ANO7: variants seen among roughly 807,000 people sequenced by gnomAD.
The protein encoded by ANO7 is anoctamin-7.
A neutral mutation model predicts 115.8 loss-of-function variants in ANO7; 114 were observed. The ratio of observed to expected loss-of-function variants is 0.98; its 90% CI spans 0.85 to 1.15. The LOEUF (loss-of-function observed/expected upper bound fraction) is 1.15, where lower values mean the gene tolerates loss of function less well. ANO7 is among the 50% of genes most tolerant of loss of function. The pLI, the probability that ANO7 is intolerant of heterozygous loss-of-function variation, is 0.00. For synonymous variants in ANO7, 550 were observed against 498.2 expected (o/e 1.10, Z -1.38); for missense variants, 1,302 against 1,201.2 (o/e 1.08, Z -1.24).
At chr2:241,238,920 G>C in the ANO7 span, 5 of 670,764 alleles carry the variant, frequency 7.5e-6, no homozygotes, top group Non-Finnish European at 1.2e-5. The surrounding 1 kb of genome is among the most constrained non-coding windows in gnomAD (Gnocchi z 4.9). Context: ...CCCTTCTCCC[G>C]AGTCCAGGGC....
At chr2:241,221,461 C>T (rs939519461) in intron 21 of ANO7, among the ~76,000 whole-genome samples, 1 of 152,116 alleles carries the variant, frequency 6.6e-6, no homozygotes, top group African/African-American at 2.4e-5. Context: ...TCACTGCAAC[C>T]CCCGCCTCCT....
At chr2:241,218,405 G>A (rs1283514915) in intron 21 of ANO7, 24 bp downstream of exon 21, 2 of 1,305,318 alleles carry the variant, frequency 1.5e-6, no homozygotes, top group South Asian at 4.2e-5. Context: ...CAGGTGGAGG[G>A]GGCCGCGGGC....
rs185559152 is a variant in ANO7 at position 241,218,936 on chromosome 2, G to C, written c.2321+555G>C. 1.2e-3 allele frequency among the ~76,000 whole-genome samples: 183 copies of C among 152,320 alleles called. 2 individuals carry two copies. The highest frequency in any genetic ancestry group is 4.3e-3 in the African/African-American group (179 of 41,562). On this transcript the variant is annotated intron_variant, in intron 21 of 24. Coordinates refer to ENST00000674324, the MANE Select transcript of ANO7 (RefSeq NM_001370694.2). Reference sequence around the variant, plus strand: ...ATAACACCAGTAGTTTTGGTCAGGGGTTAATATTATTGTTATTTTAACCGC... The same window carrying C: ...ATAACACCAGTAGTTTTGGTCAGGGCTTAATATTATTGTTATTTTAACCGC...
Position 241,218,267 on chromosome 2 carries a change from TCC to T in ANO7, c.2208_2209del (p.Leu737AlafsTer44). The T allele has an allele frequency of 1.3e-6, 2 of 1,532,726 alleles. No individual in the cohort carries two copies. Among genetic ancestry groups the T allele is most frequent in the Non-Finnish European group, 1.7e-6 (2 of 1,147,278 alleles). 94.9% of individuals were successfully genotyped at this position (1,532,726 alleles called of 1,614,324 possible). A position where few individuals can be genotyped will look rare whatever the true frequency, so the allele number is the denominator to read the frequency against. On this transcript the variant is annotated frameshift_variant, in exon 21 of 25. Transcript: ENST00000674324. LOFTEE classifies it high-confidence loss of function. ...TTCCTCCTGGCCTTCTCGTCCGACT[TCC>T]TGCCGCGCGCCTACTACCGGTGGAC...
chr2:241,195,688 C>A lies in ANO7; in HGVS notation c.167-15C>A. On this transcript the variant is annotated splice_polypyrimidine_tract_variant and intron_variant, in intron 3 of 24. Transcript: ENST00000674324. ...ACTTAGCCAGGCTCCTGCCTCTGTC[C>A]CTGTTGGCTCCCAGCAGACTTCGTC... 6.2e-7 allele frequency: 1 copy of A among 1,613,152 alleles called. No homozygotes were observed. The highest frequency in any genetic ancestry group is 1.1e-5 in the South Asian group (1 of 90,956).
At chr2:241,202,387 T>G (rs899102798) in intron 8 of ANO7, 83 bp downstream of exon 8, 2 of 1,322,646 alleles carry the variant, frequency 1.5e-6, no homozygotes, top group Non-Finnish European at 2.1e-6. Context: ...GAGGCGGGTG[T>G]GGGGCAGGCA....
chr2:241,209,877 C>T (rs1343514788), intron 13 of ANO7, among the ~76,000 whole-genome samples: 2 of 152,118 alleles, frequency 1.3e-5, no homozygotes, highest in African/African-American at 4.8e-5. Flanking sequence ...GGGCATTTTT[C>T]AAGCAAGGGG....
the ANO7 span, among the ~76,000 whole-genome samples, chr2:241,234,820 G>A: frequency 6.6e-6 from 1 of 152,198 alleles, no homozygotes; most frequent in Non-Finnish European, 1.5e-5. Context: ...GGGGCCTCTC[G>A]CAACCTTGAC....
At chr2:241,230,669 G>T, downstream of ANO7, 1 of 1,125,426 alleles carries the variant, frequency 8.9e-7, no homozygotes, top group Non-Finnish European at 1.3e-6. This position sits in a 1 kb window ranked among gnomAD's most constrained non-coding sequence, Gnocchi z 5.0. Flanking sequence ...ATCATCTTGA[G>T]GGGAAGGCCA....
At chr2:241,212,440 C>A in intron 16 of ANO7, 132 bp from the exon 17 acceptor site, 1 of 1,079,806 alleles carries the variant, frequency 9.3e-7, no homozygotes. Flanking sequence ...AGCTCACAAC[C>A]GGGACTCTAC....
chr2:241,223,446 C>T, intron 22 of ANO7, 170 bp downstream of exon 22: 1 of 1,053,462 alleles, frequency 9.5e-7, no homozygotes. Flanking sequence ...GGCCTCATCC[C>T]TGGGTTGTGG....
At chr2:241,197,061 G>A (rs2149131226) in intron 4 of ANO7, among the ~76,000 whole-genome samples, 1 of 152,284 alleles carries the variant, frequency 6.6e-6, no homozygotes, top group South Asian at 2.1e-4. Context: ...TTACCAACCA[G>A]TTGGGATATA....
chr2:241,238,527 G>T, the ANO7 span: 1 of 783,838 alleles, frequency 1.3e-6, no homozygotes, highest in Non-Finnish European at 1.9e-6. This position sits in a 1 kb window ranked among gnomAD's most constrained non-coding sequence, Gnocchi z 4.9. Context: ...GAAGCCCCCA[G>T]AATACATAGA....
intron 4 of ANO7, among the ~76,000 whole-genome samples, chr2:241,197,083 C>T (rs2068356116): frequency 6.6e-6 from 1 of 152,158 alleles, no homozygotes; most frequent in African/African-American, 2.4e-5. Flanking sequence ...TGGTGGCTCA[C>T]CGTGGTTTGT....
intron 3 of ANO7, among the ~76,000 whole-genome samples, chr2:241,193,146 C>G (rs1450745114): frequency 1.3e-5 from 2 of 152,050 alleles, no homozygotes; most frequent in Non-Finnish European, 2.9e-5. Context: ...AATCTCGGCT[C>G]ACTGCAACCT....
At chr2:241,199,554 C>T (rs958418297) in intron 5 of ANO7, 131 bp downstream of exon 5, 19 of 848,638 alleles carry the variant, frequency 2.2e-5, no homozygotes, top group Middle Eastern at 3.4e-4. Context: ...CTACCCACCC[C>T]GACACCAGGC....
At chr2:241,232,396 C>A in the ANO7 span, among the ~76,000 whole-genome samples, 2 of 152,004 alleles carry the variant, frequency 1.3e-5, no homozygotes, top group Non-Finnish European at 2.9e-5. Flanking sequence ...ACGTCTCAGT[C>A]TCCCGAGTAG....
the ANO7 span, among the ~76,000 whole-genome samples, chr2:241,232,370 C>T: frequency 2.8e-4 from 43 of 151,782 alleles, no homozygotes; most frequent in Non-Finnish European, 1.5e-4. Context: ...CCGCCTCCTG[C>T]GTTCAAGCGA....
At chr2:241,216,809 G>A (rs528789545) in intron 19 of ANO7, among the ~76,000 whole-genome samples, 6 of 143,516 alleles carry the variant, frequency 4.2e-5, no homozygotes, top group Non-Finnish European at 9.2e-5. Flanking sequence ...AAGGGAGAAG[G>A]AATCATCAGG....
Sources: allele counts gnomAD v4.1 joint callset (sites outside exome capture counted in the v4.1 genomes callset), GRCh38; gene constraint gnomAD v4.1.1; non-coding constraint Gnocchi (gnomAD v3.1); transcripts MANE v1.5; gene names NCBI Gene and HGNC (gene_info 2026-07-23, HGNC 2026-07-21).